Variants in EPHA6 observed in about 807,000 individuals in gnomAD.
EPHA6 encodes EPH receptor A6, also known as ephrin type-A receptor 6.
Under a neutral mutation model 112.0 loss-of-function variants are expected in EPHA6, and 50 were observed. The ratio of observed to expected loss-of-function variants is 0.45; its 90% confidence interval spans 0.36 to 0.56. The LOEUF is 0.56. Ranked by LOEUF, EPHA6 falls within the 20% of genes least tolerant of loss-of-function variation. EPHA6 has a pLI of 0.00. For missense variants in EPHA6, 1,280 were observed against 1,417.4 expected (o/e 0.90, Z 1.56); for synonymous variants, 529 against 490.7 (o/e 1.08, Z -1.03).
At chr3:97,044,607 TTAAC>T (rs528367639) in intron 3 of EPHA6, among the ~76,000 whole-genome samples, 81 of 151,968 alleles carry the variant, frequency 5.3e-4, no homozygotes, top group Non-Finnish European at 9.7e-4. Flanking sequence ...ATCAAAATGT[TTAAC>T]TAATAAAAGA....
At chr3:97,330,492 A>C (rs540324940) in intron 5 of EPHA6, among the ~76,000 whole-genome samples, 6 of 152,088 alleles carry the variant, frequency 3.9e-5, no homozygotes, top group East Asian at 1.9e-4. Context: ...CTTTTATTTC[A>C]TTGAGCAGTG....
At chr3:97,316,498 A>G (rs999624683) in intron 5 of EPHA6, among the ~76,000 whole-genome samples, 1 of 151,886 alleles carries the variant, frequency 6.6e-6, no homozygotes, top group African/African-American at 2.4e-5. Flanking sequence ...CTGAAGTGTC[A>G]TGTGTTATTT....
chr3:97,706,848 T>A (rs2033704667), intron 14 of EPHA6, among the ~76,000 whole-genome samples: 1 of 151,746 alleles, frequency 6.6e-6, no homozygotes, highest in Non-Finnish European at 1.5e-5. Flanking sequence ...CCCCTTACCC[T>A]CTGTGCTGTT....
intron 13 of EPHA6, among the ~76,000 whole-genome samples, chr3:97,619,220 A>T (rs1381873061): frequency 6.6e-6 from 1 of 152,068 alleles, no homozygotes; most frequent in Non-Finnish European, 1.5e-5. Context: ...CAACTCCTTC[A>T]TGTTAAAAAC....
At chr3:97,198,308 G>T (rs2077492005) in intron 3 of EPHA6, among the ~76,000 whole-genome samples, 2 of 152,184 alleles carry the variant, frequency 1.3e-5, no homozygotes, top group Middle Eastern at 3.4e-3. Context: ...TCACTGAAGT[G>T]GTTATGACCC....
intron 2 of EPHA6, among the ~76,000 whole-genome samples, chr3:96,966,607 G>A (rs751452653): frequency 6.6e-6 from 1 of 151,984 alleles, no homozygotes; most frequent in Admixed American, 6.6e-5. Flanking sequence ...ATTTTTTGTA[G>A]TAAATAAGGT....
chr3:97,466,767 T>C (rs1396657036), intron 7 of EPHA6, among the ~76,000 whole-genome samples: 1 of 151,904 alleles, frequency 6.6e-6, no homozygotes, highest in Non-Finnish European at 1.5e-5. Flanking sequence ...TATGACCTCT[T>C]CCTTGCCTAT....
chr3:97,639,708 T>C (rs958041634), intron 14 of EPHA6, among the ~76,000 whole-genome samples: 6 of 152,208 alleles, frequency 3.9e-5, no homozygotes, highest in Non-Finnish European at 8.8e-5. Context: ...TACGTAAGTT[T>C]TGTTACATCA....
At position 97,562,948 on chromosome 3, in the gene EPHA6, C is replaced by A. The variant is rs1455461985; in HGVS notation, c.2387-29664C>A. ...TAGCAATAAAGTGTTTTTAATTAAACCAAATACAAAATATGTATTTTGTAT... is the reference window on the plus strand; with the variant it reads ...TAGCAATAAAGTGTTTTTAATTAAAACAAATACAAAATATGTATTTTGTAT... On this transcript the variant is annotated intron_variant, in intron 11 of 17. Transcript: ENST00000389672. Among the ~76,000 whole-genome samples the A allele has an allele frequency of 2.6e-5, 4 of 152,214 alleles. No individual in the cohort carries two copies. The East Asian group carries it at 7.7e-4, about 29-fold the overall frequency.
intron 3 of EPHA6, among the ~76,000 whole-genome samples, chr3:97,111,456 G>A (rs554029378): frequency 1.3e-5 from 2 of 152,174 alleles, no homozygotes; most frequent in East Asian, 1.9e-4. Flanking sequence ...AGTGACAGCT[G>A]TGTGGCAATA....
intron 3 of EPHA6, among the ~76,000 whole-genome samples, chr3:97,025,138 T>C (rs963854616): frequency 1.3e-5 from 2 of 152,180 alleles, no homozygotes; most frequent in Non-Finnish European, 2.9e-5. Context: ...GCAATACCTA[T>C]GTCATGAGAT....
In EPHA6 at chr3:97,182,183, T is replaced by C. The variant is rs114655603; in HGVS notation, c.1115-44081T>C. Among the ~76,000 whole-genome samples the C allele has an allele frequency of 8.1e-4, 123 of 152,152 alleles. 2 individuals carry two copies. The highest frequency in any genetic ancestry group is 2.9e-3 in the African/African-American group (122 of 41,548). On this transcript the variant is annotated intron_variant, in intron 3 of 17. Coordinates refer to ENST00000389672, the MANE Select transcript of EPHA6 (RefSeq NM_001080448.3). The stretch of plus-strand genomic sequence containing the variant: ...TTTCTCATTCTGTCAGTTTGGCTTC[T>C]ATTTCCTATAACTAAAATGATATTA...
intron 5 of EPHA6, among the ~76,000 whole-genome samples, chr3:97,270,646 C>T (rs1318976740): frequency 6.6e-6 from 1 of 152,194 alleles, no homozygotes; most frequent in Non-Finnish European, 1.5e-5. Flanking sequence ...CATCTTGCCA[C>T]AGTCATAACC....
chr3:97,165,148 A>G (rs1214971725), intron 3 of EPHA6, among the ~76,000 whole-genome samples: 1 of 152,056 alleles, frequency 6.6e-6, no homozygotes, highest in Non-Finnish European at 1.5e-5. Flanking sequence ...CTGTTTTTGC[A>G]TTTGCATTCC....
intron 1 of EPHA6, among the ~76,000 whole-genome samples, chr3:96,863,635 G>A (rs2036136939): frequency 6.6e-6 from 1 of 151,720 alleles, no homozygotes; most frequent in Admixed American, 6.6e-5. Flanking sequence ...CACTATAATA[G>A]GTACATACAT....
intron 2 of EPHA6, among the ~76,000 whole-genome samples, chr3:96,986,145 C>T (rs924890542): frequency 5.9e-5 from 9 of 152,016 alleles, no homozygotes; most frequent in Non-Finnish European, 8.8e-5. Context: ...GAGTTATAAT[C>T]TAAATTTACA....
At chr3:97,552,224 A>C (rs2093038266) in intron 11 of EPHA6, among the ~76,000 whole-genome samples, 1 of 152,222 alleles carries the variant, frequency 6.6e-6, no homozygotes. Flanking sequence ...CATAACATGT[A>C]AATGTACTAT....
chr3:97,675,997 G>A (rs1576264822), intron 14 of EPHA6, among the ~76,000 whole-genome samples: 1 of 152,106 alleles, frequency 6.6e-6, no homozygotes, highest in Non-Finnish European at 1.5e-5. Flanking sequence ...AATCTGAAAT[G>A]GAAGAATGCA....
chr3:97,637,161 G>A (rs1298029224), intron 13 of EPHA6, among the ~76,000 whole-genome samples: 2 of 152,002 alleles, frequency 1.3e-5, no homozygotes, highest in East Asian at 1.9e-4. Flanking sequence ...TTAGTTAAAT[G>A]GGATTGATAC....
Sources: gnomAD v4.1 joint callset for allele counts (sites outside exome capture counted in the v4.1 genomes callset) on GRCh38, gnomAD v4.1.1 for gene constraint, MANE v1.5 for transcripts, NCBI Gene and HGNC (gene_info 2026-07-23, HGNC 2026-07-21) for gene names.